The following TMEM178B variants were observed in gnomAD, a reference collection of about 807,000 sequenced individuals.
TMEM178B encodes the protein transmembrane protein 178B.
A neutral mutation model predicts 31.0 loss-of-function variants in TMEM178B; 5 were observed. That is an observed-to-expected ratio of 0.16 (90% confidence interval 0.08 to 0.34). TMEM178B has a LOEUF of 0.34. TMEM178B is among the 10% of genes least tolerant of loss of function. The pLI, the probability that TMEM178B is intolerant of heterozygous loss-of-function variation, is 1.00. For synonymous variants in TMEM178B, 164 were observed against 164.0 expected, an observed-to-expected ratio of 1.00 and a Z score of 0.00; for missense variants, 275 against 400.3, an observed-to-expected ratio of 0.69 and a Z score of 2.67.
intron 1 of TMEM178B, among the ~76,000 whole-genome samples, chr7:141,077,547 C>T (rs1170205494): frequency 6.6e-6 from 1 of 152,194 alleles, no homozygotes; most frequent in Admixed American, 6.5e-5. Flanking sequence ...ATCCATTCCC[C>T]TCCAGGACCT....
chr7:141,229,390 C>T (rs1797404296), intron 2 of TMEM178B, among the ~76,000 whole-genome samples: 1 of 152,056 alleles, frequency 6.6e-6, no homozygotes, highest in African/African-American at 2.4e-5. Context: ...CTGTAAGTCT[C>T]TGGTTTCAAT....
intron 2 of TMEM178B, among the ~76,000 whole-genome samples, chr7:141,214,554 G>C (rs1449674419): frequency 6.6e-6 from 1 of 152,196 alleles, no homozygotes; most frequent in Non-Finnish European, 1.5e-5. Context: ...AGTGTAAATT[G>C]CACAGATACT....
At position 141,375,909 on chromosome 7, in the gene TMEM178B, G is replaced by A. The variant is rs961187163; in HGVS notation, c.497-61699G>A. Among the ~76,000 whole-genome samples, 7 of 152,276 alleles carry A rather than the reference G, an allele frequency of 4.6e-5. No individual in the cohort carries two copies. In the East Asian group the frequency reaches 5.8e-4, roughly 13 times the overall value. ...GAAGGAGACAGGCCTCTTGGCCATCGGCCTGCAGGAGTTCATATGGGACCA... is the reference window on the plus strand; with the variant it reads ...GAAGGAGACAGGCCTCTTGGCCATCAGCCTGCAGGAGTTCATATGGGACCA... On this transcript the variant is annotated intron_variant, in intron 2 of 3. Transcript: ENST00000565468.
At chr7:141,166,949 A>C (rs1796271979) in intron 1 of TMEM178B, among the ~76,000 whole-genome samples, 1 of 152,184 alleles carries the variant, frequency 6.6e-6, no homozygotes, top group Non-Finnish European at 1.5e-5. Flanking sequence ...CTTGGAACAG[A>C]CGGTTTCCTC....
chr7:141,235,216 C>T (rs1586841071), intron 2 of TMEM178B, among the ~76,000 whole-genome samples: 1 of 152,272 alleles, frequency 6.6e-6, no homozygotes, highest in Admixed American at 6.5e-5. Flanking sequence ...TAAATGAAGC[C>T]TTCTGATTTA....
rs1798083632 is a variant in TMEM178B, at chr7:141,265,600, G to A, written c.496+52896G>A. ...CTAGCATAGTACGTGGCACCCTGGA[G>A]AAGGTTAGTGAATATTGCTGGATAA... On this transcript the variant is annotated intron_variant, in intron 2 of 3. Transcript: ENST00000565468. Among the ~76,000 whole-genome samples the A allele has an allele frequency of 2.0e-5, 3 of 152,162 alleles. 1 individual carries two copies. Among genetic ancestry groups the A allele is most frequent in the Admixed American group, 2.0e-4 (3 of 15,284 alleles).
chr7:141,122,383 G>A (rs1455495359), intron 1 of TMEM178B, among the ~76,000 whole-genome samples: 1 of 152,176 alleles, frequency 6.6e-6, no homozygotes, highest in Admixed American at 6.5e-5. Flanking sequence ...TATTGATAAT[G>A]GATTTATCAA....
rs952458758 is a variant in TMEM178B, at chr7:141,476,751, C to G, written c.*5965C>G. 3.9e-5 allele frequency: 6 copies of G among 152,816 alleles called. No individual in the cohort carries two copies. The highest frequency in any genetic ancestry group is 1.4e-4 in the African/African-American group (6 of 41,470). 9.5% of individuals were successfully genotyped at this position (152,816 alleles called of 1,614,324 possible). A position where few individuals can be genotyped will look rare whatever the true frequency, so the allele number is the denominator to read the frequency against. ...AAGAACGCCCTTCCCAAAGGGTCCG[C>G]ACACTTTCTGCTTTGCAGCGGATCA... On this transcript the variant is annotated 3_prime_UTR_variant, in exon 4 of 4. Coordinates refer to ENST00000565468, the MANE Select transcript of TMEM178B (RefSeq NM_001195278.2).
rs547717568 is a variant in TMEM178B at position 141,344,942 on chromosome 7, A to G, written c.497-92666A>G. ...GACCACATCTCTGATGCTACCCATTATTTAATTACTAAGCATGAGTTAATA... is the reference window on the plus strand; with the variant it reads ...GACCACATCTCTGATGCTACCCATTGTTTAATTACTAAGCATGAGTTAATA... On this transcript the variant is annotated intron_variant, in intron 2 of 3. Transcript: ENST00000565468. This position sits in a 1 kb window ranked among gnomAD's most constrained non-coding sequence, Gnocchi z 4.1. Among the ~76,000 whole-genome samples the G allele has an allele frequency of 6.6e-6, 1 of 152,342 alleles. No individual in the cohort carries two copies. The highest frequency in any genetic ancestry group is 6.5e-5 in the Admixed American group (1 of 15,302).
chr7:141,447,475 G>C (rs1028000699), intron 3 of TMEM178B, among the ~76,000 whole-genome samples: 1 of 152,032 alleles, frequency 6.6e-6, no homozygotes, highest in Non-Finnish European at 1.5e-5. Flanking sequence ...AGATGACTCC[G>C]CCAAGAGCAG....
intron 2 of TMEM178B, among the ~76,000 whole-genome samples, chr7:141,241,871 T>C (rs1233688154): frequency 6.6e-6 from 1 of 152,224 alleles, no homozygotes; most frequent in Non-Finnish European, 1.5e-5. Flanking sequence ...TTATTCTTGT[T>C]TCAATGAATA....
At chr7:141,492,590 T>C in the TMEM178B span, among the ~76,000 whole-genome samples, 1 of 152,150 alleles carries the variant, frequency 6.6e-6, no homozygotes, top group African/African-American at 2.4e-5. Context: ...TATGGACCGC[T>C]AAAGGCGAGT....
At chr7:141,401,566 C>A (rs1800771317) in intron 2 of TMEM178B, among the ~76,000 whole-genome samples, 1 of 152,092 alleles carries the variant, frequency 6.6e-6, no homozygotes, top group South Asian at 2.1e-4. Flanking sequence ...CGGGTGCATG[C>A]CACCACACCC....
At chr7:141,194,589 C>T (rs1796751885) in intron 1 of TMEM178B, among the ~76,000 whole-genome samples, 1 of 152,152 alleles carries the variant, frequency 6.6e-6, no homozygotes, top group Non-Finnish European at 1.5e-5. Flanking sequence ...CAGCAGCTTT[C>T]CTGGGCTGGT....
chr7:141,389,777 G>C (rs1800500874), intron 2 of TMEM178B, among the ~76,000 whole-genome samples: 1 of 152,202 alleles, frequency 6.6e-6, no homozygotes, highest in Non-Finnish European at 1.5e-5. Context: ...GTTTTTACAA[G>C]AAATCTTTGA....
intron 1 of TMEM178B, among the ~76,000 whole-genome samples, chr7:141,122,575 G>A (rs1035012452): frequency 6.6e-6 from 1 of 152,226 alleles, no homozygotes; most frequent in Non-Finnish European, 1.5e-5. Flanking sequence ...CACCAGCATC[G>A]TGGGAGATGA....
intron 1 of TMEM178B, among the ~76,000 whole-genome samples, chr7:141,147,118 T>C (rs1194524047): frequency 6.6e-6 from 1 of 152,176 alleles, no homozygotes; most frequent in Non-Finnish European, 1.5e-5. Flanking sequence ...CCCCTTGAAT[T>C]GGAAATTAGT....
chr7:141,341,491 C>T (rs1450960367), intron 2 of TMEM178B, among the ~76,000 whole-genome samples: 1 of 152,176 alleles, frequency 6.6e-6, no homozygotes, highest in Admixed American at 6.5e-5. Flanking sequence ...AGTCTGAAGG[C>T]AGCACACTCA....
intron 1 of TMEM178B, among the ~76,000 whole-genome samples, chr7:141,137,800 T>G (rs1795699333): frequency 6.6e-6 from 1 of 152,172 alleles, no homozygotes; most frequent in Admixed American, 6.5e-5. Flanking sequence ...ATATGTACAA[T>G]TATTGTGTAT....
Sources: gnomAD v4.1 joint callset for allele counts (sites outside exome capture counted in the v4.1 genomes callset) on GRCh38, gnomAD v4.1.1 for gene constraint, Gnocchi (gnomAD v3.1) non-coding constraint, MANE v1.5 for transcripts, NCBI Gene and HGNC (gene_info 2026-07-23, HGNC 2026-07-21) for gene names.